EHBP1: variants seen among roughly 807,000 people sequenced by gnomAD.
The protein encoded by EHBP1 is EH domain-binding protein 1.
A neutral mutation model predicts 144.0 loss-of-function variants in EHBP1; 55 were observed. The observed-to-expected ratio is 0.38, with a 90% confidence interval of 0.31 to 0.48. EHBP1 has a LOEUF of 0.48. EHBP1 is among the 20% of genes least tolerant of loss of function. The pLI, the probability that EHBP1 is intolerant of heterozygous loss-of-function variation, is 0.98. For missense variants in EHBP1, 1,200 were observed against 1,364.2 expected, an observed-to-expected ratio of 0.88 and a Z score of 1.90; for synonymous variants, 469 against 472.7, an observed-to-expected ratio of 0.99 and a Z score of 0.10.
chr2:62,694,975 G>A (rs2034036642), intron 1 of EHBP1, among the ~76,000 whole-genome samples: 1 of 152,170 alleles, frequency 6.6e-6, no homozygotes, highest in Admixed American at 6.6e-5. Context: ...AATAAGAGAG[G>A]AGCTAAACAT....
intron 6 of EHBP1, 89 bp downstream of exon 6, chr2:62,826,357 C>A: frequency 8.4e-7 from 1 of 1,188,306 alleles, no homozygotes; most frequent in Non-Finnish European, 1.1e-6. Context: ...AGTTGAACAT[C>A]TTACAGCATA....
chr2:62,699,722 C>T (rs2034217282), intron 1 of EHBP1, among the ~76,000 whole-genome samples: 1 of 152,216 alleles, frequency 6.6e-6, no homozygotes, highest in Non-Finnish European at 1.5e-5. Flanking sequence ...TGAATGTCCA[C>T]ACTTTGAATA....
chr2:62,985,772 G>A (rs867673692), intron 15 of EHBP1, among the ~76,000 whole-genome samples: 8 of 152,220 alleles, frequency 5.3e-5, no homozygotes, highest in South Asian at 4.1e-4. Context: ...AAAGGTTAGC[G>A]TTTCCAAGAA....
chr2:62,894,723 T>C (rs1372047740), intron 10 of EHBP1, among the ~76,000 whole-genome samples: 1 of 152,230 alleles, frequency 6.6e-6, no homozygotes, highest in Non-Finnish European at 1.5e-5. Flanking sequence ...TAGCATTCTA[T>C]TGAAACCAGG....
At chr2:62,951,090 C>T (rs2153097504) in intron 13 of EHBP1, among the ~76,000 whole-genome samples, 1 of 152,284 alleles carries the variant, frequency 6.6e-6, no homozygotes. Context: ...CAGAAGGTTT[C>T]AACAGAAGAT....
intron 9 of EHBP1, among the ~76,000 whole-genome samples, chr2:62,867,307 G>T (rs1423617268): frequency 6.6e-6 from 1 of 152,030 alleles, no homozygotes; most frequent in Admixed American, 6.6e-5. Flanking sequence ...ACTTTTTTCA[G>T]AGTTGACAAT....
chr2:63,025,811 C>T (rs949643066), intron 19 of EHBP1, among the ~76,000 whole-genome samples: 2 of 152,100 alleles, frequency 1.3e-5, no homozygotes, highest in African/African-American at 4.8e-5. Context: ...TTTAGAGATT[C>T]TGGGAGTCAC....
intron 2 of EHBP1, among the ~76,000 whole-genome samples, chr2:62,720,912 A>G (rs760875457): frequency 3.9e-5 from 6 of 152,212 alleles, no homozygotes; most frequent in Non-Finnish European, 7.3e-5. Context: ...GACAAGCTTG[A>G]TATAGAGAGT....
intron 16 of EHBP1, among the ~76,000 whole-genome samples, chr2:62,991,452 A>G (rs1490094354): frequency 6.6e-6 from 1 of 152,102 alleles, no homozygotes; most frequent in Non-Finnish European, 1.5e-5. Context: ...CTGTTAAGAG[A>G]ATTCTAGCGC....
intron 7 of EHBP1, among the ~76,000 whole-genome samples, chr2:62,839,521 G>T (rs1411496726): frequency 6.7e-6 from 1 of 149,216 alleles, no homozygotes; most frequent in African/African-American, 2.5e-5. Flanking sequence ...GAAATAAAGG[G>T]TATTCAATTA....
intron 10 of EHBP1, among the ~76,000 whole-genome samples, chr2:62,880,052 A>G (rs1243891547): frequency 1.3e-5 from 2 of 152,204 alleles, no homozygotes; most frequent in Non-Finnish European, 2.9e-5. Context: ...ACTCAGAAAT[A>G]AAGCCACACA....
rs2050719539 is a variant in EHBP1, at chr2:62,874,392, T to A, written c.1045T>A (p.Leu349Met). The change falls in exon 10 of 23, where the codon TTG (leucine) becomes ATG (methionine). Residue 349 changes from leucine to methionine, a missense_variant. Transcript: ENST00000431489. The stretch of plus-strand genomic sequence containing the variant: ...TAAATCAACTCCTCCTCCAAATAAT[T>A]TGGTAAATCCTGTTCAAGAACTAGA... ...EPKSTPPPNN[L>M]VNPVQELETE... The A allele has an allele frequency of 3.1e-6, 5 of 1,608,552 alleles. No individual in the cohort carries two copies.
chr2:62,985,228 A>G (rs1218785473), intron 15 of EHBP1, among the ~76,000 whole-genome samples: 2 of 152,184 alleles, frequency 1.3e-5, no homozygotes, highest in Non-Finnish European at 2.9e-5. Flanking sequence ...GCAATTTTGC[A>G]TGACAGATGG....
chr2:62,729,979 G>A (rs997100739), intron 2 of EHBP1, among the ~76,000 whole-genome samples: 8 of 152,038 alleles, frequency 5.3e-5, no homozygotes, highest in Non-Finnish European at 1.2e-4. Context: ...CTGTAATAAA[G>A]CAAATATTGC....
At chr2:62,957,775 A>G (rs996720543) in intron 14 of EHBP1, among the ~76,000 whole-genome samples, 2 of 148,480 alleles carry the variant, frequency 1.3e-5, no homozygotes, top group African/African-American at 5.0e-5. Flanking sequence ...CTTCCCAAGT[A>G]GCTGGGATTA....
At chr2:62,943,904 G>A in intron 12 of EHBP1, 54 bp downstream of exon 12, 2 of 1,368,454 alleles carry the variant, frequency 1.5e-6, no homozygotes, top group Non-Finnish European at 2.1e-6. Flanking sequence ...CTTCTCTGCA[G>A]GTCTTTATTA....
chr2:62,936,379 A>G (rs1227153790), intron 10 of EHBP1, among the ~76,000 whole-genome samples: 1 of 152,176 alleles, frequency 6.6e-6, no homozygotes. Flanking sequence ...CAGTCACACT[A>G]CAGGTTTAAT....
At chr2:63,015,105 A>T (rs2060430132) in intron 19 of EHBP1, among the ~76,000 whole-genome samples, 1 of 152,234 alleles carries the variant, frequency 6.6e-6, no homozygotes, top group East Asian at 1.9e-4. Context: ...AAATTTTGCC[A>T]GTGTTTCTCA....
chr2:62,720,653 T>G (rs1167144644), intron 2 of EHBP1, among the ~76,000 whole-genome samples: 2 of 152,216 alleles, frequency 1.3e-5, no homozygotes, highest in Non-Finnish European at 2.9e-5. Context: ...CTTTTAAAAA[T>G]TGGTTAATTC....
Sources: gnomAD v4.1 joint callset for allele counts (sites outside exome capture counted in the v4.1 genomes callset) on GRCh38, gnomAD v4.1.1 for gene constraint, MANE v1.5 for transcripts, NCBI Gene and HGNC (gene_info 2026-07-23, HGNC 2026-07-21) for gene names.